Variants in DMD observed in about 807,000 individuals in gnomAD.
The protein encoded by DMD is dystrophin.
In DMD, 63 loss-of-function variants were observed where a neutral mutation model predicts 330.1. The ratio of observed to expected loss-of-function variants is 0.19; its 90% confidence interval spans 0.16 to 0.24. The LOEUF is 0.24. Among genes scored for constraint, DMD ranks in the 10% least tolerant of loss-of-function variants. The probability of loss-of-function intolerance (pLI) is 1.00; values close to 1 mark genes in which losing one functional copy is unlikely to be tolerated. For missense variants in DMD, 3,344 were observed against 2,684.1 expected, an observed-to-expected ratio of 1.25 and a Z score of -5.43; for synonymous variants, 1,223 against 959.8, an observed-to-expected ratio of 1.27 and a Z score of -5.07.
At chrX:31,169,635 C>A (rs757078732) in intron 73 of DMD, 34 bp from the exon 74 acceptor site, 2 of 1,162,082 alleles carry the variant, frequency 1.7e-6, no homozygotes, top group East Asian at 3.1e-5. Context: ...TGGTTTTTTC[C>A]CCCCCTTATT....
At chrX:31,447,260 ATTTTTTTTTTTTTTTTT>A (rs72227601) in intron 59 of DMD, among the ~76,000 whole-genome samples, 1 of 52,472 alleles carries the variant, frequency 1.9e-5, no homozygotes, top group Non-Finnish European at 3.3e-5. Context: ...AGATCTTGGG[ATTTTTTTTTTTTTTTTT>A]TTTTTTTTTG....
At chrX:33,192,570 A>G (rs1440483100) in intron 1 of DMD, among the ~76,000 whole-genome samples, 1 of 112,106 alleles carries the variant, frequency 8.9e-6, no homozygotes, top group Non-Finnish European at 1.9e-5. Flanking sequence ...CAGTCAAATG[A>G]GTATTGTTTA....
At chrX:32,890,625 C>A (rs770164904) in intron 2 of DMD, among the ~76,000 whole-genome samples, 43 of 111,133 alleles carry the variant, frequency 3.9e-4, no homozygotes, top group Non-Finnish European at 5.7e-4. Context: ...GTACCAGCAC[C>A]TTTTTGTTTC....
chrX:31,304,094 G>A (rs772418278), intron 62 of DMD, among the ~76,000 whole-genome samples: 15 of 112,171 alleles, frequency 1.3e-4, no homozygotes, highest in Non-Finnish European at 2.4e-4. Context: ...TTTAGCATTT[G>A]TGAGAAATTC....
chrX:31,783,762 G>C, intron 50 of DMD, among the ~76,000 whole-genome samples: 1 of 111,460 alleles, frequency 9.0e-6, no homozygotes, highest in African/African-American at 3.3e-5. Flanking sequence ...TTATGTAACT[G>C]TGATTTACAG....
At chrX:31,510,657 G>A (rs747040906) in intron 55 of DMD, among the ~76,000 whole-genome samples, 25 of 108,846 alleles carry the variant, frequency 2.3e-4, no homozygotes, top group African/African-American at 4.0e-4. Context: ...ATAGGCGCCC[G>A]CCACCACGCC....
chrX:31,453,108 G>A (rs778703225), intron 59 of DMD, among the ~76,000 whole-genome samples: 4 of 111,657 alleles, frequency 3.6e-5, no homozygotes, highest in African/African-American at 6.5e-5. Flanking sequence ...TAGAATGGTG[G>A]TTTCCAGGGG....
chrX:32,888,434 AG>A (rs768474901), intron 2 of DMD, among the ~76,000 whole-genome samples: 2 of 111,472 alleles, frequency 1.8e-5, no homozygotes, highest in Non-Finnish European at 3.8e-5. Context: ...ATCATTAGTC[AG>A]GTAACTGCAA....
intron 78 of DMD, among the ~76,000 whole-genome samples, chrX:31,125,429 T>C (rs2033505736): frequency 9.0e-6 from 1 of 110,916 alleles, no homozygotes; most frequent in Non-Finnish European, 1.9e-5. Context: ...GTTGGCAGAG[T>C]TTTCATTACG....
intron 44 of DMD, among the ~76,000 whole-genome samples, chrX:32,119,809 C>A (rs1014938185): frequency 8.9e-6 from 1 of 112,451 alleles, no homozygotes. Flanking sequence ...TTTATGCGAA[C>A]TGTTTCTTCT....
intron 44 of DMD, among the ~76,000 whole-genome samples, chrX:31,983,831 G>T (rs2095492537): frequency 8.9e-6 from 1 of 111,791 alleles, no homozygotes; most frequent in South Asian, 3.7e-4. Context: ...GAAGTATGAG[G>T]TCAGAAAAAT....
chrX:31,490,341 T>C (rs998601988), intron 57 of DMD, among the ~76,000 whole-genome samples: 8 of 111,273 alleles, frequency 7.2e-5, no homozygotes, highest in African/African-American at 2.3e-4. Context: ...GGCGGGTGGA[T>C]CACGAGGTCA....
rs2148493040 is a variant in DMD, at chrX:31,348,715, G to C, written c.9085-81C>G. The C allele has an allele frequency of 5.9e-6, 5 of 845,993 alleles. No homozygotes were observed. The East Asian group carries it at 1.7e-4, about 29-fold the overall frequency. 69.7% of individuals were successfully genotyped at this position (845,993 alleles called of 1,213,427 possible). On this transcript the variant is annotated intron_variant, in intron 60 of 78. Transcript: ENST00000357033. ...TAAAACAATGTATCCTTTCTGATAA[G>C]ATACTTTGAGTCTCCAAGACTGAGA...
chrX:31,481,040 T>C (rs1031958878), intron 57 of DMD, among the ~76,000 whole-genome samples: 4 of 112,225 alleles, frequency 3.6e-5, no homozygotes, highest in African/African-American at 1.3e-4. Flanking sequence ...TGCAGAGTCA[T>C]AGGACATAGT....
intron 60 of DMD, among the ~76,000 whole-genome samples, chrX:31,375,866 T>C (rs2059858777): frequency 9.0e-6 from 1 of 111,720 alleles, no homozygotes; most frequent in Admixed American, 9.5e-5. Flanking sequence ...TATGTGTTTT[T>C]ACCACAATTT....
chrX:32,287,099 G>T (rs761896703), intron 43 of DMD, among the ~76,000 whole-genome samples: 3 of 111,121 alleles, frequency 2.7e-5, no homozygotes, highest in Non-Finnish European at 5.7e-5. Context: ...AAAGTGTAAA[G>T]TGTCACCCTC....
chrX:32,883,206 T>A (rs1049200676), intron 2 of DMD, among the ~76,000 whole-genome samples: 8 of 112,138 alleles, frequency 7.1e-5, no homozygotes, highest in Non-Finnish European at 1.3e-4. Context: ...GTAATTCTGC[T>A]TAGAAAGTTG....
chrX:31,981,860 C>T (rs140998200), intron 44 of DMD, among the ~76,000 whole-genome samples: 57 of 112,075 alleles, frequency 5.1e-4, no homozygotes, highest in Non-Finnish European at 5.8e-4. Context: ...AGAGAACTTG[C>T]GCAATACAGT....
intron 44 of DMD, among the ~76,000 whole-genome samples, chrX:31,982,381 T>C (rs2095481321): frequency 1.8e-5 from 2 of 111,320 alleles, no homozygotes; most frequent in Non-Finnish European, 3.8e-5. Flanking sequence ...ATGGTGACAA[T>C]GGGTCTCCTT....
Sources: allele counts gnomAD v4.1 joint callset (sites outside exome capture counted in the v4.1 genomes callset), GRCh38; gene constraint gnomAD v4.1.1; transcripts MANE v1.5; gene names NCBI Gene and HGNC (gene_info 2026-07-23, HGNC 2026-07-21).